SMCHD1: variants seen among roughly 807,000 people sequenced by gnomAD.
The protein encoded by SMCHD1 is structural maintenance of chromosomes flexible hinge domain-containing protein 1.
In SMCHD1, 78 loss-of-function variants were observed where a neutral mutation model predicts 254.7. That is an observed-to-expected ratio of 0.31 (90% CI 0.26 to 0.37). SMCHD1 has a LOEUF of 0.37. Among genes scored for constraint, SMCHD1 ranks in the 10% least tolerant of loss-of-function variants. The pLI, the probability that SMCHD1 is intolerant of heterozygous loss-of-function variation, is 1.00. For synonymous variants in SMCHD1, 766 were observed against 794.9 expected, an observed-to-expected ratio of 0.96 and a Z score of 0.61; for missense variants, 1,840 against 2,408.1, an observed-to-expected ratio of 0.76 and a Z score of 4.94.
chr18:2,758,231 C>T lies in SMCHD1; in HGVS notation c.4347-2421C>T, dbSNP rs539567294. 3.3e-5 allele frequency among the ~76,000 whole-genome samples: 5 copies of T among 151,956 alleles called. No individual in the cohort carries two copies. The South Asian group carries it at 6.2e-4, about 19-fold the overall frequency. On this transcript the variant is annotated intron_variant, in intron 34 of 47. Coordinates refer to ENST00000320876, the MANE Select transcript of SMCHD1 (RefSeq NM_015295.3). ...CTAACTGTTTTTTCCCTTCTCTTTC[C>T]TGTTTTCCTTTTTGATTTATTGTTT...
At chr18:2,787,728 C>A (rs1303098581) in intron 45 of SMCHD1, among the ~76,000 whole-genome samples, 2 of 152,142 alleles carry the variant, frequency 1.3e-5, no homozygotes, top group Non-Finnish European at 2.9e-5. Context: ...TTCAAAGATA[C>A]ACTCCCACAT....
At chr18:2,766,539 C>G (rs540780990) in intron 37 of SMCHD1, among the ~76,000 whole-genome samples, 2 of 152,160 alleles carry the variant, frequency 1.3e-5, no homozygotes, top group African/African-American at 2.4e-5. Context: ...GAGCAGGGCT[C>G]TAGAATCTGA....
Position 2,784,482 on chromosome 18 carries a change from G to A in SMCHD1, c.5580G>A (p.Leu1860=), listed in dbSNP as rs2076208641. The A allele has an allele frequency of 6.2e-7, 1 of 1,612,404 alleles. No individual in the cohort carries two copies. The highest frequency in any genetic ancestry group is 1.3e-5 in the African/African-American group (1 of 74,988). The change falls in exon 45 of 48, where the codon CTG becomes CTA. Residue 1860 remains leucine (L), a synonymous_variant. Coordinates refer to ENST00000320876, the MANE Select transcript of SMCHD1 (RefSeq NM_015295.3). ...AAATTACACACTGTCCTACACTGCTGACCAGAGATGGAGATCGAATTCGAA... is the reference window on the plus strand; with the variant it reads ...AAATTACACACTGTCCTACACTGCTAACCAGAGATGGAGATCGAATTCGAA... The part of the protein sequence containing the change: ...VVKITHCPTL[L]TRDGDRIRSN...
chr18:2,774,531 C>A (rs763686229), intron 41 of SMCHD1, among the ~76,000 whole-genome samples: 2 of 152,108 alleles, frequency 1.3e-5, no homozygotes, highest in African/African-American at 2.4e-5. Context: ...CCCACCTCAG[C>A]ACCCAAGTAG....
intron 29 of SMCHD1, among the ~76,000 whole-genome samples, chr18:2,747,170 T>C (rs1197728910): frequency 6.6e-6 from 1 of 152,198 alleles, no homozygotes; most frequent in Non-Finnish European, 1.5e-5. Context: ...TTAAAAGTAA[T>C]CTAAAGATGA....
intron 29 of SMCHD1, among the ~76,000 whole-genome samples, chr18:2,746,711 T>G (rs920084131): frequency 1.8e-4 from 28 of 152,214 alleles, no homozygotes; most frequent in Non-Finnish European, 8.8e-5. Flanking sequence ...GAAGGAACTT[T>G]CTTGTTAGAG....
At chr18:2,750,599 A>C (rs562916095) in intron 32 of SMCHD1, 92 bp downstream of exon 32, 1 of 1,017,424 alleles carries the variant, frequency 9.8e-7, no homozygotes, top group Non-Finnish European at 1.4e-6. Flanking sequence ...AAGTGTGCTC[A>C]GTCTAATGTA....
chr18:2,759,473 C>CT (rs2075741848), intron 34 of SMCHD1, among the ~76,000 whole-genome samples: 1 of 130,390 alleles, frequency 7.7e-6, no homozygotes, highest in Non-Finnish European at 1.6e-5. Flanking sequence ...CTTGTTAACT[C>CT]TAACATTTTC....
intron 47 of SMCHD1, 130 bp downstream of exon 47, chr18:2,796,651 G>C (rs1303762151): frequency 1.5e-6 from 1 of 665,010 alleles, no homozygotes; most frequent in East Asian, 3.0e-5. Context: ...CACAATCTTG[G>C]CTCAGTGCAA....
chr18:2,710,982 TG>T (rs915315854), intron 17 of SMCHD1, among the ~76,000 whole-genome samples: 4 of 152,058 alleles, frequency 2.6e-5, no homozygotes, highest in African/African-American at 9.7e-5. Context: ...TTTTGTTTTT[TG>T]GGGTTTTTTT....
chr18:2,685,740 CTT>C (rs1465477578), intron 5 of SMCHD1, among the ~76,000 whole-genome samples: 2 of 152,134 alleles, frequency 1.3e-5, no homozygotes, highest in African/African-American at 4.8e-5. Context: ...TCATGTGTGA[CTT>C]ATTTCACTTA....
intron 27 of SMCHD1, 72 bp downstream of exon 27, chr18:2,739,592 A>G: frequency 8.7e-7 from 1 of 1,155,812 alleles, no homozygotes; most frequent in East Asian, 2.4e-5. Context: ...TGGATGTTTT[A>G]GATACCTAAT....
At chr18:2,711,643 C>T (rs889938633) in intron 17 of SMCHD1, among the ~76,000 whole-genome samples, 4 of 151,152 alleles carry the variant, frequency 2.6e-5, no homozygotes, top group Non-Finnish European at 5.9e-5. Context: ...CCACTACGCC[C>T]GGCTAATTTT....
chr18:2,802,454 C>A, intron 47 of SMCHD1, 74 bp from the exon 48 acceptor site: 2 of 1,095,498 alleles, frequency 1.8e-6, no homozygotes, highest in East Asian at 2.7e-5. Flanking sequence ...TTTAAGCATT[C>A]AGGTGTGATG....
chr18:2,658,908 G>A (rs915888629), intron 1 of SMCHD1, among the ~76,000 whole-genome samples: 8 of 148,126 alleles, frequency 5.4e-5, no homozygotes, highest in South Asian at 2.1e-4. Flanking sequence ...ACGTGTATAC[G>A]CATATATACA....
Position 2,722,547 on chromosome 18 carries a change from T to C in SMCHD1, c.2487T>C (p.Gly829=). 6.2e-7 allele frequency: 1 copy of C among 1,613,200 alleles called. No individual in the cohort carries two copies. The highest frequency in any genetic ancestry group is 1.1e-5 in the South Asian group (1 of 90,808). ...GTAAGCCAGAGAAATTTTCATTTGG[T>C]CTTCTGGATCTTCCTTTTCGTGTTG... ...KEGKPEKFSF[G]LLDLPFRVGV... is the part of the protein sequence containing the mutation. The change falls in exon 20 of 48, where the codon GGT becomes GGC. Residue 829 remains glycine, a synonymous_variant. Coordinates refer to ENST00000320876, the MANE Select transcript of SMCHD1 (RefSeq NM_015295.3).
chr18:2,686,822 T>C (rs2074062741), intron 5 of SMCHD1, among the ~76,000 whole-genome samples: 1 of 152,150 alleles, frequency 6.6e-6, no homozygotes, highest in Non-Finnish European at 1.5e-5. Flanking sequence ...TCCTACCTGG[T>C]CAATGTTGTC....
At chr18:2,656,365 C>G in intron 1 of SMCHD1, 104 bp downstream of exon 1, 1 of 1,102,860 alleles carries the variant, frequency 9.1e-7, no homozygotes, top group African/African-American at 1.6e-5. Flanking sequence ...TCACCCGGTC[C>G]CGGTCCTGCG....
chr18:2,782,577 A>G (rs927730377), intron 44 of SMCHD1, among the ~76,000 whole-genome samples: 2 of 151,188 alleles, frequency 1.3e-5, no homozygotes, highest in Non-Finnish European at 2.9e-5. Context: ...CCAACTCTAC[A>G]AAGTTTAAAA....
Sources: allele counts gnomAD v4.1 joint callset (sites outside exome capture counted in the v4.1 genomes callset), GRCh38; gene constraint gnomAD v4.1.1; transcripts MANE v1.5; gene names NCBI Gene and HGNC (gene_info 2026-07-23, HGNC 2026-07-21).